Variants in SYS1 observed in about 807,000 individuals in gnomAD.
The protein encoded by SYS1 is SYS1 golgi trafficking protein.
A neutral mutation model predicts 17.8 loss-of-function variants in SYS1; 8 were observed. The observed-to-expected ratio is 0.45, with a 90% CI of 0.26 to 0.81. The LOEUF is 0.81. Among genes scored for constraint, SYS1 ranks in the 40% least tolerant of loss-of-function variants. The pLI is 0.16. For synonymous variants in SYS1, 95 were observed against 90.9 expected, an observed-to-expected ratio of 1.05 and a Z score of -0.26; for missense variants, 161 against 203.9, an observed-to-expected ratio of 0.79 and a Z score of 1.28.
downstream of SYS1, chr20:45,374,108 T>C (rs1988644089): frequency 8.6e-7 from 1 of 1,156,304 alleles, no homozygotes; most frequent in African/African-American, 1.5e-5. Context: ...CTGTGGTGTC[T>C]GGTAGGTTGG....
chr20:45,374,625 T>A (rs1187604900), exon 4 of SYS1: 1 of 438,960 alleles, frequency 2.3e-6, no homozygotes, highest in Admixed American at 3.9e-5. Context: ...AAATAGAGAG[T>A]TGAATTGATC....
intron 3 of SYS1, 92 bp from the exon 4 acceptor site, chr20:45,366,783 C>T: frequency 9.6e-7 from 1 of 1,043,786 alleles, no homozygotes; most frequent in Non-Finnish European, 1.5e-6. Context: ...CACTTCTGAC[C>T]ACTATGCTGC....
intron 2 of SYS1, 47 bp downstream of exon 2, chr20:45,363,740 A>G: frequency 2.0e-6 from 3 of 1,532,568 alleles, no homozygotes; most frequent in Non-Finnish European, 2.6e-6. Flanking sequence ...CTCCCCGAGT[A>G]GGCTTTGTGG....
chr20:45,364,310 G>A (rs1337146708), intron 2 of SYS1, among the ~76,000 whole-genome samples: 1 of 151,864 alleles, frequency 6.6e-6, no homozygotes, highest in Non-Finnish European at 1.5e-5. Flanking sequence ...AGCCTTTTCT[G>A]AAAAGTGGGC....
upstream of SYS1, among the ~76,000 whole-genome samples, chr20:45,362,259 C>A (rs750822563): frequency 6.6e-6 from 1 of 152,232 alleles, no homozygotes; most frequent in African/African-American, 2.4e-5. Context: ...TGTCTCAGGG[C>A]AGGGGCTGTC....
chr20:45,363,405 C>T (rs2743417), intron 1 of SYS1, 90 bp downstream of exon 1: 1 of 1,445,742 alleles, frequency 6.9e-7, no homozygotes, highest in South Asian at 1.4e-5. Context: ...ATGGGTCTGT[C>T]TGCCCCGCCT....
At position 45,375,292 on chromosome 20, in the gene SYS1, A is replaced by G. The variant is rs2231619; in HGVS notation, c.*998A>G. 1,355 of 1,613,698 alleles carry G rather than the reference A, an allele frequency of 8.4e-4. 9 individuals carry two copies. The African/African-American group carries it at 0.016, about 19-fold the overall frequency. ...CTCGGTGAGTGGTTGCCTCCCCTGGACTCCAGGGTTCAAGCTATCATCCCT... is the reference window on the plus strand; with the variant it reads ...CTCGGTGAGTGGTTGCCTCCCCTGGGCTCCAGGGTTCAAGCTATCATCCCT... On this transcript the variant is annotated 3_prime_UTR_variant, in exon 4 of 4. Transcript: ENST00000426004.
chr20:45,374,881 G>A (rs1483912850), exon 4 of SYS1: 1 of 993,836 alleles, frequency 1.0e-6, no homozygotes, highest in Non-Finnish European at 1.5e-6. Context: ...TTGGTCTAAG[G>A]CTTCCCCCTC....
Position 45,368,418 on chromosome 20 carries a change from A to C in SYS1, c.*1303A>C. On this transcript the variant is annotated 3_prime_UTR_variant, in exon 4 of 4. Transcript: ENST00000243918. Reference sequence around the variant, plus strand: ...AGTCTAGACCCACTTCCGCATTGAAACCTTCACTGTTCCTCTTTGGTTTCT... The same window carrying C: ...AGTCTAGACCCACTTCCGCATTGAACCCTTCACTGTTCCTCTTTGGTTTCT... 1 of 985,278 alleles carries C rather than the reference A, an allele frequency of 1.0e-6. No individual in the cohort carries two copies. The highest frequency in any genetic ancestry group is 1.2e-6 in the Non-Finnish European group (1 of 829,900). 61.0% of individuals were successfully genotyped at this position (985,278 alleles called of 1,614,324 possible).
intron 3 of SYS1, 58 bp from the exon 4 acceptor site, chr20:45,366,817 C>A: frequency 6.8e-7 from 1 of 1,468,044 alleles, no homozygotes; most frequent in Non-Finnish European, 9.5e-7. Context: ...CCTACCCTCC[C>A]AAATAACCTA....
At chr20:45,375,347 G>GC (rs773458353) in exon 4 of SYS1, 2 of 1,614,026 alleles carry the variant, frequency 1.2e-6, no homozygotes, top group Non-Finnish European at 1.7e-6. Context: ...GGCTCTATAT[G>GC]CTTTTCTTTC....
intron 3 of SYS1, among the ~76,000 whole-genome samples, chr20:45,366,101 C>T (rs981779499): frequency 6.6e-6 from 1 of 152,202 alleles, no homozygotes; most frequent in Non-Finnish European, 1.5e-5. Context: ...TAATCATTGC[C>T]TGTCTCTTAA....
upstream of SYS1, among the ~76,000 whole-genome samples, chr20:45,362,836 A>G (rs966483672): frequency 2.3e-4 from 35 of 152,208 alleles, no homozygotes; most frequent in Non-Finnish European, 4.7e-4. Flanking sequence ...ACTAGGAGAA[A>G]ACATTGAGAA....
At chr20:45,374,059 G>A (rs1568921568), downstream of SYS1, 1 of 1,587,014 alleles carries the variant, frequency 6.3e-7, no homozygotes. Context: ...TCCCCAGGGG[G>A]CGCTGGTCGT....
exon 4 of SYS1, chr20:45,374,927 G>A (rs1410672218): frequency 2.1e-6 from 3 of 1,434,138 alleles, no homozygotes; most frequent in Non-Finnish European, 1.9e-6. Flanking sequence ...AGCACTACCA[G>A]CCACACACCA....
rs1357596209 is a variant in SYS1 at position 45,374,921 on chromosome 20, C to G, written c.*627C>G. 3.6e-6 allele frequency: 5 copies of G among 1,402,218 alleles called. No individual in the cohort carries two copies. In the African/African-American group the frequency reaches 5.7e-5, roughly 16 times the overall value. The allele number at this position is 1,402,218 out of a possible 1,614,324, so 86.9% of individuals were successfully genotyped here. On this transcript the variant is annotated 3_prime_UTR_variant, in exon 4 of 4. Transcript: ENST00000426004. The stretch of plus-strand genomic sequence containing the variant: ...GACATGAAGGCGGAGCCTCCCAGCA[C>G]TACCAGCCACACACCACTCAAGACT...
downstream of SYS1, among the ~76,000 whole-genome samples, chr20:45,369,827 C>A (rs1988522729): frequency 6.6e-6 from 1 of 151,908 alleles, no homozygotes. Context: ...CCACTTTGCC[C>A]AGGCTGGTCT....
Position 45,368,569 on chromosome 20 carries a change from A to C in SYS1, c.*1454A>C, listed in dbSNP as rs1008677677. The C allele has an allele frequency of 4.1e-6, 4 of 984,940 alleles. No individual in the cohort carries two copies. The highest frequency in any genetic ancestry group is 4.8e-6 in the Non-Finnish European group (4 of 829,608). 61.0% of individuals were successfully genotyped at this position (984,940 alleles called of 1,614,324 possible). A position where few individuals can be genotyped will look rare whatever the true frequency, so the allele number is the denominator to read the frequency against. On this transcript the variant is annotated 3_prime_UTR_variant, in exon 4 of 4. Transcript: ENST00000243918. The stretch of plus-strand genomic sequence containing the variant: ...CTGACCTCCTGACTCTCAGCCCTAC[A>C]GAGTAGGGAGTTGATGCTGACAGGA...
chr20:45,375,737 G>A, exon 4 of SYS1: 1 of 670,466 alleles, frequency 1.5e-6, no homozygotes, highest in Non-Finnish European at 2.5e-6. Flanking sequence ...GCAGAGGGAT[G>A]TGAGAGATTG....
Sources: gnomAD v4.1 joint callset for allele counts (sites outside exome capture counted in the v4.1 genomes callset) on GRCh38, gnomAD v4.1.1 for gene constraint, MANE v1.5 for transcripts, NCBI Gene and HGNC (gene_info 2026-07-23, HGNC 2026-07-21) for gene names.